KAZN: variants seen among roughly 807,000 people sequenced by gnomAD.
KAZN encodes the protein kazrin, periplakin interacting protein.
A neutral mutation model predicts 87.4 loss-of-function variants in KAZN; 40 were observed. That is an observed-to-expected ratio of 0.46 (90% CI 0.36 to 0.60). The LOEUF (loss-of-function observed/expected upper bound fraction) is 0.60, where lower values mean the gene tolerates loss of function less well. KAZN is among the 20% of genes least tolerant of loss of function. The pLI is 0.00. For missense variants in KAZN, 898 were observed against 1,073.9 expected (o/e 0.84, Z 2.29); for synonymous variants, 466 against 458.3 (o/e 1.02, Z -0.22).
intron 1 of KAZN, among the ~76,000 whole-genome samples, chr1:14,950,071 C>T (rs1232312793): frequency 6.6e-6 from 1 of 152,080 alleles, no homozygotes; most frequent in Non-Finnish European, 1.5e-5. Context: ...TTACCTGAGT[C>T]CCTGCACCCT....
At chr1:14,054,360 G>A (rs1642463246) in intron 1 of KAZN, among the ~76,000 whole-genome samples, 1 of 152,182 alleles carries the variant, frequency 6.6e-6, no homozygotes, top group Non-Finnish European at 1.5e-5. Flanking sequence ...GTGCCTATAA[G>A]GTCTGATGGA....
intron 2 of KAZN, among the ~76,000 whole-genome samples, chr1:14,476,674 C>T (rs1193646520): frequency 2.0e-5 from 3 of 152,154 alleles, no homozygotes; most frequent in Admixed American, 6.5e-5. Flanking sequence ...CTTAAAAGCT[C>T]CTTAAGATTG....
chr1:14,426,193 T>C (rs941683624), intron 2 of KAZN, among the ~76,000 whole-genome samples: 1 of 152,160 alleles, frequency 6.6e-6, no homozygotes, highest in Non-Finnish European at 1.5e-5. Flanking sequence ...GTTATCTCTT[T>C]CTTGAATGTT....
intron 1 of KAZN, among the ~76,000 whole-genome samples, chr1:14,774,779 C>G (rs560594730): frequency 1.1e-3 from 163 of 151,506 alleles, no homozygotes; most frequent in Non-Finnish European, 2.0e-3. Context: ...GTCACCATGC[C>G]CAGCCCTTGA....
At chr1:14,610,333 G>A (rs564347290) in intron 1 of KAZN, among the ~76,000 whole-genome samples, 38 of 152,204 alleles carry the variant, frequency 2.5e-4, no homozygotes, top group South Asian at 2.1e-3. Context: ...TCAGCCTCCC[G>A]AGTAGCTGGG....
In KAZN at chr1:14,591,180, C is replaced by T. The variant is rs546386224; in HGVS notation, c.250-7803C>T. On this transcript the variant is annotated intron_variant, in intron 2 of 16. Transcript: ENST00000636203. ...TGGAAAATCAAATAGTGCCCCCCCC[C>T]CATGGACACAGCCACCGCATGAGAG... Among the ~76,000 whole-genome samples, 10 of 152,030 alleles carry T rather than the reference C, an allele frequency of 6.6e-5. No homozygotes were observed. In the East Asian group the frequency reaches 9.6e-4, roughly 15 times the overall value.
chr1:14,335,437 A>G (rs1263991087), intron 2 of KAZN, among the ~76,000 whole-genome samples: 2 of 152,060 alleles, frequency 1.3e-5, no homozygotes, highest in Non-Finnish European at 2.9e-5. Context: ...TCCTGACCTC[A>G]GGTGATCCGT....
chr1:15,032,695 TC>T (rs1357300194), intron 2 of KAZN, among the ~76,000 whole-genome samples: 1 of 151,978 alleles, frequency 6.6e-6, no homozygotes, highest in Non-Finnish European at 1.5e-5. Flanking sequence ...ATGCCTGTAA[TC>T]CCAGCACTTT....
At chr1:14,148,435 A>AT (rs1205271739) in intron 1 of KAZN, among the ~76,000 whole-genome samples, 1 of 151,730 alleles carries the variant, frequency 6.6e-6, no homozygotes, top group African/African-American at 2.4e-5. Context: ...TACATTTTTT[A>AT]TTTTTTATTT....
chr1:14,233,298 ATT>A (rs1029704250), intron 2 of KAZN, among the ~76,000 whole-genome samples: 4 of 151,856 alleles, frequency 2.6e-5, no homozygotes, highest in Non-Finnish European at 5.9e-5. Flanking sequence ...CACCCAGCTA[ATT>A]TTTTCATTTT....
intron 1 of KAZN, among the ~76,000 whole-genome samples, chr1:13,986,526 TTGGAAA>T (rs1639025801): frequency 1.3e-5 from 2 of 152,190 alleles, no homozygotes; most frequent in Admixed American, 1.3e-4. Context: ...GCATTGAGAC[TTGGAAA>T]TGGATAAAAT....
chr1:14,139,295 T>C (rs139778863), intron 1 of KAZN, among the ~76,000 whole-genome samples: 2 of 152,342 alleles, frequency 1.3e-5, no homozygotes, highest in African/African-American at 4.8e-5. Context: ...CTTCTCGCTA[T>C]GGTAATGGCT....
At chr1:14,524,371 C>T (rs1265298103) in intron 2 of KAZN, among the ~76,000 whole-genome samples, 1 of 152,058 alleles carries the variant, frequency 6.6e-6, no homozygotes, top group Non-Finnish European at 1.5e-5. Context: ...AGCATGGAGG[C>T]AGGGTCAGGG....
intron 2 of KAZN, chr1:14,350,834 C>A (rs1447990025): frequency 2.0e-5 from 3 of 152,320 alleles, no homozygotes; most frequent in Non-Finnish European, 4.4e-5. Context: ...CAAATTTCCC[C>A]AGAGTTTCAA....
chr1:14,456,322 C>T (rs1217924846), intron 2 of KAZN, among the ~76,000 whole-genome samples: 1 of 152,114 alleles, frequency 6.6e-6, no homozygotes, highest in Admixed American at 6.5e-5. Context: ...CTGGAGATTC[C>T]CTGAAGACAG....
chr1:15,085,234 C>T (rs1640194229), intron 8 of KAZN, among the ~76,000 whole-genome samples: 1 of 152,124 alleles, frequency 6.6e-6, no homozygotes, highest in Admixed American at 6.5e-5. Flanking sequence ...GCCACTAGCC[C>T]ACATGTTCTT....
chr1:13,908,905 CAT>C (rs1167270287), intron 1 of KAZN, among the ~76,000 whole-genome samples: 11 of 152,272 alleles, frequency 7.2e-5, no homozygotes, highest in Admixed American at 2.6e-4. Flanking sequence ...AAAATAAACA[CAT>C]GTTTTATGAG....
At chr1:14,206,701 T>C (rs988111211) in intron 2 of KAZN, among the ~76,000 whole-genome samples, 2 of 50,700 alleles carry the variant, frequency 3.9e-5, no homozygotes, top group African/African-American at 1.1e-4. Flanking sequence ...ATGAGCATTT[T>C]CTTTTTTTTT....
At chr1:14,906,426 G>A (rs1184346323) in intron 1 of KAZN, among the ~76,000 whole-genome samples, 1 of 152,088 alleles carries the variant, frequency 6.6e-6, no homozygotes. Context: ...CTTGGTGGCG[G>A]GCATGGAACA....
Sources: gnomAD v4.1 joint callset for allele counts (sites outside exome capture counted in the v4.1 genomes callset) on GRCh38, gnomAD v4.1.1 for gene constraint, MANE v1.5 for transcripts, NCBI Gene and HGNC (gene_info 2026-07-23, HGNC 2026-07-21) for gene names.